The following TTLL7 variants were observed in gnomAD, a reference collection of about 807,000 sequenced individuals.
The protein encoded by TTLL7 is tubulin polyglutamylase TTLL7.
Under a neutral mutation model 120.2 loss-of-function variants are expected in TTLL7, and 53 were observed. That is an observed-to-expected ratio of 0.44 (90% CI 0.35 to 0.55). TTLL7 has a LOEUF of 0.55. TTLL7 is among the 20% of genes least tolerant of loss of function. TTLL7 has a pLI of 0.00. For missense variants in TTLL7, 803 were observed against 1,054.7 expected (o/e 0.76, Z 3.31); for synonymous variants, 353 against 351.7 (o/e 1.00, Z -0.04).
intron 18 of TTLL7, among the ~76,000 whole-genome samples, chr1:83,892,719 T>TGTGAACACATATATATGAGCAC (rs1557567909): frequency 2.5e-5 from 1 of 39,806 alleles, no homozygotes; most frequent in Non-Finnish European, 4.8e-5. Flanking sequence ...TATGAACATA[T>TGTGAACACATATATATGAGCAC]ATATGTGAAC....
intron 1 of TTLL7, among the ~76,000 whole-genome samples, chr1:83,978,319 G>A (rs1191335160): frequency 6.6e-6 from 1 of 152,036 alleles, no homozygotes. Context: ...ATCCTTTTTA[G>A]CTAGCTCCTC....
chr1:83,930,715 C>T (rs915753446), intron 9 of TTLL7, among the ~76,000 whole-genome samples: 1 of 152,090 alleles, frequency 6.6e-6, no homozygotes, highest in Non-Finnish European at 1.5e-5. Flanking sequence ...AGTCAGTGGT[C>T]CATTGGCATG....
chr1:83,883,715 G>A (rs745741775), intron 19 of TTLL7, among the ~76,000 whole-genome samples: 4 of 151,864 alleles, frequency 2.6e-5, no homozygotes, highest in Admixed American at 1.3e-4. Context: ...AGGCTTTCTC[G>A]GAATCTGTAT....
chr1:83,961,423 A>C (rs925471610), intron 1 of TTLL7, among the ~76,000 whole-genome samples: 1 of 152,136 alleles, frequency 6.6e-6, no homozygotes, highest in Non-Finnish European at 1.5e-5. Context: ...CAACCACACA[A>C]ATGTCTACAA....
At chr1:83,973,407 T>C (rs1409373273) in intron 1 of TTLL7, among the ~76,000 whole-genome samples, 5 of 152,098 alleles carry the variant, frequency 3.3e-5, no homozygotes, top group Non-Finnish European at 7.4e-5. Context: ...CCAAGCTCTC[T>C]ATTTTGTCCT....
chr1:83,938,486 C>G (rs756270858), intron 7 of TTLL7, among the ~76,000 whole-genome samples: 13 of 152,060 alleles, frequency 8.5e-5, no homozygotes, highest in South Asian at 8.3e-4. Flanking sequence ...GTAACATAAG[C>G]CGAGAGGCAG....
At chr1:83,951,193 C>T (rs1033134637) in intron 3 of TTLL7, among the ~76,000 whole-genome samples, 1 of 151,936 alleles carries the variant, frequency 6.6e-6, no homozygotes, top group African/African-American at 2.4e-5. Flanking sequence ...ACTAAAAATA[C>T]AAAAAATTAG....
chr1:83,943,653 C>A (rs1648196392), intron 6 of TTLL7, among the ~76,000 whole-genome samples: 1 of 152,158 alleles, frequency 6.6e-6, no homozygotes, highest in Admixed American at 6.5e-5. Context: ...TGAGCTGCAA[C>A]AACAAATTGC....
At chr1:83,919,548 T>G (rs748826120) in intron 13 of TTLL7, 151 bp downstream of exon 13, 41 of 672,148 alleles carry the variant, frequency 6.1e-5, no homozygotes, top group Non-Finnish European at 9.3e-5. Context: ...TGGTTCATCA[T>G]GAAATGTTAC....
intron 6 of TTLL7, among the ~76,000 whole-genome samples, chr1:83,945,407 A>C (rs919544388): frequency 1.3e-5 from 2 of 152,232 alleles, no homozygotes; most frequent in Admixed American, 6.5e-5. Flanking sequence ...TGCCTCAAAA[A>C]TATGTAACAA....
chr1:83,967,993 G>A (rs564314435), intron 1 of TTLL7, among the ~76,000 whole-genome samples: 4 of 152,104 alleles, frequency 2.6e-5, no homozygotes, highest in Admixed American at 6.5e-5. Flanking sequence ...CAGTCGGGAT[G>A]GCATTTTAAC....
chr1:83,923,161 A>G (rs748415419), intron 10 of TTLL7, among the ~76,000 whole-genome samples: 2 of 145,196 alleles, frequency 1.4e-5, no homozygotes, highest in Non-Finnish European at 3.1e-5. Context: ...TCATTTTATT[A>G]TATCTAGAGC....
intron 1 of TTLL7, among the ~76,000 whole-genome samples, chr1:83,967,266 T>C (rs1378221841): frequency 6.6e-6 from 1 of 151,758 alleles, no homozygotes; most frequent in African/African-American, 2.4e-5. Context: ...ATTTCTGGAG[T>C]GCAACAAAAT....
rs1300645592 is a variant in TTLL7, at chr1:83,998,945, C to T, written c.-191G>A. 9.4e-6 allele frequency: 4 copies of T among 425,550 alleles called. No homozygotes were observed. The highest frequency in any genetic ancestry group is 8.4e-5 in the East Asian group (1 of 11,842). The allele number at this position is 425,550 out of a possible 1,614,324, so 26.4% of individuals were successfully genotyped here. On this transcript the variant is annotated 5_prime_UTR_variant, in exon 1 of 21. Transcript: ENST00000260505. Reference sequence around the variant, plus strand: ...CAGGTACTCACCCGGGTGAGGAAAGCCCAGCCCGGGTCCTCGCGTCCCCGC... The same window carrying T: ...CAGGTACTCACCCGGGTGAGGAAAGTCCAGCCCGGGTCCTCGCGTCCCCGC...
intron 14 of TTLL7, among the ~76,000 whole-genome samples, chr1:83,913,892 G>C (rs1657878585): frequency 6.6e-6 from 1 of 152,122 alleles, no homozygotes; most frequent in Admixed American, 6.5e-5. Context: ...CAAGGCTTCT[G>C]CATTTGCCAT....
intron 10 of TTLL7, among the ~76,000 whole-genome samples, chr1:83,928,417 G>A (rs1659318118): frequency 6.6e-6 from 1 of 152,076 alleles, no homozygotes; most frequent in Non-Finnish European, 1.5e-5. Context: ...CACTATTTCA[G>A]GAAGTGTTTC....
chr1:83,874,021 T>G (rs766447702), intron 20 of TTLL7, among the ~76,000 whole-genome samples: 8 of 152,136 alleles, frequency 5.3e-5, no homozygotes, highest in Non-Finnish European at 1.2e-4. Flanking sequence ...CATTTTTAAT[T>G]GTACAATTCA....
Position 83,919,772 on chromosome 1 carries a change from G to T in TTLL7, c.1427C>A (p.Ala476Asp). 6.2e-7 allele frequency: 1 copy of T among 1,612,888 alleles called. No homozygotes were observed. The highest frequency in any genetic ancestry group is 8.5e-7 in the Non-Finnish European group (1 of 1,179,358). The change falls in exon 13 of 21, where the codon GCC becomes GAC. Residue 476 changes from alanine (A) to aspartate (D), a missense_variant. This residue lies in a region of TTLL7 where 324 missense variants were observed against 507.7 expected (regional missense o/e 0.64). Transcript: ENST00000260505. ...LEKYENLLAV[A>D]FQTFLSGRAA... ...TCTTCCTGAAAGGAAGGTCTGAAAG[G>T]CAACAGCTAACAAATTTTCATACTT...
In TTLL7 at chr1:83,942,470, G is replaced by T; in HGVS notation, c.716C>A (p.Ser239Tyr). ...CTGTCTGGTATCACTTACCAAATTG[G>T]ACTCATTAGGTGGAATGTACTTCTC... ...GTEKYIPPNE[S>Y]NLTQLYMHLT... The change falls in exon 7 of 21, where the codon TCC becomes TAC. Residue 239 changes from serine to tyrosine, a missense_variant. Physicochemically the swap from Ser to Tyr is moderately radical, Grantham distance 144. Transcript: ENST00000260505. 1 of 1,612,754 alleles carries T rather than the reference G, an allele frequency of 6.2e-7. No individual in the cohort carries two copies. The highest frequency in any genetic ancestry group is 1.1e-5 in the South Asian group (1 of 90,958).
Sources: allele counts gnomAD v4.1 joint callset (sites outside exome capture counted in the v4.1 genomes callset), GRCh38; gene constraint gnomAD v4.1.1; regional missense constraint gnomAD v4.1.1; transcripts MANE v1.5; gene names NCBI Gene and HGNC (gene_info 2026-07-23, HGNC 2026-07-21).